Variants in LRRC8D observed in about 807,000 individuals in gnomAD.
LRRC8D encodes leucine rich repeat containing 8 VRAC subunit D.
Under a neutral mutation model 55.8 loss-of-function variants are expected in LRRC8D, and 20 were observed. The ratio of observed to expected loss-of-function variants is 0.36; its 90% CI spans 0.25 to 0.52. LRRC8D has a LOEUF of 0.52. LRRC8D is among the 20% of genes least tolerant of loss of function. The pLI is 0.93. For synonymous variants in LRRC8D, 352 were observed against 377.0 expected, an observed-to-expected ratio of 0.93 and a Z score of 0.77; for missense variants, 651 against 1,030.8, an observed-to-expected ratio of 0.63 and a Z score of 5.05.
chr1:89,870,998 G>A (rs1661992678), intron 2 of LRRC8D, among the ~76,000 whole-genome samples: 1 of 152,150 alleles, frequency 6.6e-6, no homozygotes, highest in Non-Finnish European at 1.5e-5. Context: ...CTTTAAGTTG[G>A]TTCCTGGGAT....
chr1:89,889,798 G>T (rs937490606), intron 2 of LRRC8D, among the ~76,000 whole-genome samples: 1 of 147,172 alleles, frequency 6.8e-6, no homozygotes. Context: ...TAGGAGGATC[G>T]CTTGAGCCTG....
intron 2 of LRRC8D, among the ~76,000 whole-genome samples, chr1:89,931,478 T>G (rs1335562912): frequency 2.0e-5 from 3 of 152,028 alleles, no homozygotes; most frequent in Admixed American, 2.0e-4. Context: ...TTCATCTTCC[T>G]GGTTGGGTGT....
At chr1:89,843,902 C>T (rs1282691468) in intron 2 of LRRC8D, 120 bp downstream of exon 2, 1 of 515,676 alleles carries the variant, frequency 1.9e-6, no homozygotes. Flanking sequence ...CGCCCCCCAC[C>T]ACTGGCTTCT....
At chr1:89,844,088 A>G (rs542797089) in intron 2 of LRRC8D, among the ~76,000 whole-genome samples, 11 of 152,280 alleles carry the variant, frequency 7.2e-5, no homozygotes, top group Admixed American at 4.6e-4. Flanking sequence ...TGGAGTCCCC[A>G]GCTGCCCTCT....
At chr1:89,892,559 C>T (rs1662606096) in intron 2 of LRRC8D, among the ~76,000 whole-genome samples, 3 of 152,074 alleles carry the variant, frequency 2.0e-5, no homozygotes, top group Admixed American at 6.6e-5. Context: ...CGCTCTGTCG[C>T]CCAGGCTGGA....
At chr1:89,860,078 A>G (rs956621775) in intron 2 of LRRC8D, among the ~76,000 whole-genome samples, 2 of 152,210 alleles carry the variant, frequency 1.3e-5, no homozygotes, top group Non-Finnish European at 2.9e-5. Flanking sequence ...CCTAAAAGCC[A>G]GATAGTTTGT....
intron 2 of LRRC8D, among the ~76,000 whole-genome samples, chr1:89,932,440 C>T (rs1663734408): frequency 6.6e-6 from 1 of 152,212 alleles, no homozygotes; most frequent in Admixed American, 6.5e-5. Context: ...ATGGACACTT[C>T]CACCAGAGTG....
At position 89,934,279 on chromosome 1, in the gene LRRC8D, G is replaced by T; in HGVS notation, c.1211G>T (p.Ser404Ile). ...TCTTTCGAAAAAGTCAGAGAAGAGAGCAGTTTTAGTGACATTCCAGATGTC... is the reference window on the plus strand; with the variant it reads ...TCTTTCGAAAAAGTCAGAGAAGAGATCAGTTTTAGTGACATTCCAGATGTC... Reference protein sequence around the residue: ...EYSFEKVREESSFSDIPDVKN... With the variant: ...EYSFEKVREEISFSDIPDVKN... The change falls in exon 3 of 3, where the codon AGC becomes ATC. Residue 404 changes from serine (S) to isoleucine (I), a missense_variant. Ser to Ile is a moderately radical substitution (Grantham distance 142). This residue lies in a region of LRRC8D where 178 missense variants were observed against 374.9 expected (regional missense o/e 0.47). Coordinates refer to ENST00000337338, the MANE Select transcript of LRRC8D (RefSeq NM_001134479.2). The surrounding 1 kb of genome is among the most constrained non-coding windows in gnomAD (Gnocchi z 5.9). 1 of 1,614,150 alleles carries T rather than the reference G, an allele frequency of 6.2e-7. No individual in the cohort carries two copies. Among genetic ancestry groups the T allele is most frequent in the Middle Eastern group, 1.6e-4 (1 of 6,062 alleles).
chr1:89,930,422 C>T lies in LRRC8D; in HGVS notation c.-2-2645C>T, dbSNP rs1488526490. Among the ~76,000 whole-genome samples, 3 of 152,112 alleles carry T rather than the reference C, an allele frequency of 2.0e-5. No individual in the cohort carries two copies. In the East Asian group the frequency reaches 5.8e-4, roughly 29 times the overall value. Reference sequence around the variant, plus strand: ...TTCGCCAGGCTGGTCTCAAACTCCGCCTCAAATGATCCACCCACCTCGGCC... The same window carrying T: ...TTCGCCAGGCTGGTCTCAAACTCCGTCTCAAATGATCCACCCACCTCGGCC... On this transcript the variant is annotated intron_variant, in intron 2 of 2. Coordinates refer to ENST00000337338, the MANE Select transcript of LRRC8D (RefSeq NM_001134479.2).
intron 2 of LRRC8D, among the ~76,000 whole-genome samples, chr1:89,865,330 TTATA>T (rs34852331): frequency 0.19 from 26,506 of 139,114 alleles, 2,787 homozygotes; most frequent in East Asian, 0.36. Flanking sequence ...AAACATGAAA[TTATA>T]TATATATATA....
chr1:89,868,077 A>T (rs1317549757), intron 2 of LRRC8D, among the ~76,000 whole-genome samples: 4 of 152,228 alleles, frequency 2.6e-5, no homozygotes, highest in African/African-American at 4.8e-5. Context: ...AGAGAAAAAG[A>T]GGCAGATGGG....
intron 2 of LRRC8D, among the ~76,000 whole-genome samples, chr1:89,931,699 C>G (rs945199543): frequency 2.6e-5 from 4 of 152,104 alleles, no homozygotes; most frequent in Non-Finnish European, 5.9e-5. Flanking sequence ...GCAGAGGTTG[C>G]AGTGAGCTGA....
Position 89,934,796 on chromosome 1 carries a change from T to C in LRRC8D, c.1728T>C (p.Asn576=). ...TAGGCAATTTGAACTCTGAAAACAA[T>C]AAGATGATAGGACTTGAATCTCTCC... ...YLIGNLNSEN[N]KMIGLESLRE... is the part of the protein sequence containing the mutation. Residue 576 remains asparagine (N), a synonymous_variant, in exon 3 of 3, where the codon AAT becomes AAC. Coordinates refer to ENST00000337338, the MANE Select transcript of LRRC8D (RefSeq NM_001134479.2). This position sits in a 1 kb window ranked among gnomAD's most constrained non-coding sequence, Gnocchi z 5.9. The C allele has an allele frequency of 6.2e-7, 1 of 1,614,140 alleles. No individual in the cohort carries two copies. The highest frequency in any genetic ancestry group is 8.5e-7 in the Non-Finnish European group (1 of 1,180,042).
chr1:89,880,360 G>A (rs1422588917), intron 2 of LRRC8D, among the ~76,000 whole-genome samples: 1 of 151,844 alleles, frequency 6.6e-6, no homozygotes, highest in Non-Finnish European at 1.5e-5. Flanking sequence ...TGGCATTGGA[G>A]TGATGAGCTT....
At chr1:89,915,981 CA>C (rs1227309390) in intron 2 of LRRC8D, among the ~76,000 whole-genome samples, 2 of 152,018 alleles carry the variant, frequency 1.3e-5, no homozygotes, top group Non-Finnish European at 2.9e-5. Context: ...AAAAGTCTCA[CA>C]AAAAAAGAGA....
At chr1:89,844,683 T>C (rs1296519035) in intron 2 of LRRC8D, among the ~76,000 whole-genome samples, 1 of 152,244 alleles carries the variant, frequency 6.6e-6, no homozygotes, top group African/African-American at 2.4e-5. Context: ...GGGTTGGTTT[T>C]ATGCTACAGA....
chr1:89,853,528 G>A (rs535527385), intron 2 of LRRC8D, among the ~76,000 whole-genome samples: 5 of 152,258 alleles, frequency 3.3e-5, no homozygotes, highest in African/African-American at 7.2e-5. Context: ...TTGAGTACCC[G>A]GTGCTTTTTG....
At chr1:89,892,405 T>C (rs901517014) in intron 2 of LRRC8D, among the ~76,000 whole-genome samples, 2 of 152,224 alleles carry the variant, frequency 1.3e-5, no homozygotes, top group Non-Finnish European at 2.9e-5. Flanking sequence ...TTCCAAATGA[T>C]TGATAACAGT....
At chr1:89,928,041 C>G (rs1663612260) in intron 2 of LRRC8D, among the ~76,000 whole-genome samples, 2 of 152,178 alleles carry the variant, frequency 1.3e-5, no homozygotes, top group African/African-American at 4.8e-5. Flanking sequence ...AGCTCAAGAT[C>G]TAGTGGAAGA....
Sources: gnomAD v4.1 joint callset for allele counts (sites outside exome capture counted in the v4.1 genomes callset) on GRCh38, gnomAD v4.1.1 for gene constraint, gnomAD v4.1.1 regional missense constraint, Gnocchi (gnomAD v3.1) non-coding constraint, MANE v1.5 for transcripts, NCBI Gene and HGNC (gene_info 2026-07-23, HGNC 2026-07-21) for gene names.